The following JARID2 variants were observed in gnomAD, a reference collection of about 807,000 sequenced individuals.
JARID2 encodes protein Jumonji.
In JARID2, 21 loss-of-function variants were observed where a neutral mutation model predicts 125.6. That is an observed-to-expected ratio of 0.17 (90% confidence interval 0.12 to 0.24). The LOEUF (loss-of-function observed/expected upper bound fraction) is 0.24. Ranked by LOEUF, JARID2 falls within the 10% of genes least tolerant of loss-of-function variation. The pLI, the probability that JARID2 is intolerant of heterozygous loss-of-function variation, is 1.00. For synonymous variants in JARID2, 736 were observed against 661.6 expected (o/e 1.11, Z -1.73); for missense variants, 1,303 against 1,639.6 (o/e 0.79, Z 3.55).
intron 3 of JARID2, among the ~76,000 whole-genome samples, chr6:15,412,475 A>G (rs1262134978): frequency 1.3e-5 from 2 of 152,006 alleles, no homozygotes; most frequent in Non-Finnish European, 1.5e-5. Context: ...TACCTGGCTA[A>G]TTCTTGTATT....
intron 1 of JARID2, among the ~76,000 whole-genome samples, chr6:15,267,204 G>A (rs1043473933): frequency 6.6e-6 from 1 of 152,142 alleles, no homozygotes; most frequent in African/African-American, 2.4e-5. Flanking sequence ...GAGACCCTGG[G>A]CTTCCTGGAG....
chr6:15,490,576 A>G (rs1770103049), intron 6 of JARID2, among the ~76,000 whole-genome samples: 1 of 152,190 alleles, frequency 6.6e-6, no homozygotes, highest in Admixed American at 6.5e-5. Flanking sequence ...ATTATACCAA[A>G]TGAGCTGTCT....
rs752818315 is a variant in JARID2, at chr6:15,496,527, G to C, written c.1302G>C (p.Arg434=). 9.9e-6 allele frequency: 16 copies of C among 1,608,468 alleles called. No homozygotes were observed. Among genetic ancestry groups the C allele is most frequent in the Non-Finnish European group, 1.4e-5 (16 of 1,177,856 alleles). ...GRQLREGLQL[R]EGLRNSKRRL... is the part of the protein sequence containing the mutation. ...AGCTGCGGGAGGGCCTGCAGCTGCG[G>C]GAGGGGCTGCGGAACTCCAAGAGGA... Residue 434 remains arginine (R), a synonymous_variant, in exon 7 of 18, where the codon CGG becomes CGC. Coordinates refer to ENST00000341776, the MANE Select transcript of JARID2 (RefSeq NM_004973.4).
intron 2 of JARID2, among the ~76,000 whole-genome samples, chr6:15,406,866 C>G (rs1448984375): frequency 1.3e-5 from 2 of 152,046 alleles, no homozygotes; most frequent in Admixed American, 1.3e-4. Flanking sequence ...TTTTTCCAAC[C>G]TGTTAACTTT....
intron 2 of JARID2, among the ~76,000 whole-genome samples, chr6:15,390,711 C>G (rs1414637879): frequency 6.6e-6 from 1 of 152,148 alleles, no homozygotes; most frequent in Non-Finnish European, 1.5e-5. Context: ...GTCCTTGGAT[C>G]CATGAATACA....
intron 1 of JARID2, among the ~76,000 whole-genome samples, chr6:15,345,808 G>A (rs75605837): frequency 3.2e-3 from 485 of 152,306 alleles, no homozygotes; most frequent in African/African-American, 0.011. Context: ...TTGGGTTGCT[G>A]GGAGTCTGTT....
chr6:15,305,025 T>C (rs1761769821), intron 1 of JARID2, among the ~76,000 whole-genome samples: 1 of 152,164 alleles, frequency 6.6e-6, no homozygotes, highest in Admixed American at 6.5e-5. Context: ...TTTTCTCTTC[T>C]CACTGATTGG....
At chr6:15,368,372 T>G (rs887512886) in intron 1 of JARID2, among the ~76,000 whole-genome samples, 54 of 152,308 alleles carry the variant, frequency 3.5e-4, no homozygotes, top group Admixed American at 1.2e-3. Context: ...TGCAATACTT[T>G]TACTTACTTC....
chr6:15,499,273 T>C (rs928631041), intron 7 of JARID2, among the ~76,000 whole-genome samples: 2 of 152,118 alleles, frequency 1.3e-5, no homozygotes. Context: ...TCTGCCTCTG[T>C]GTAGGTTCAC....
chr6:15,497,953 G>A (rs1770546206), intron 7 of JARID2, among the ~76,000 whole-genome samples: 1 of 152,134 alleles, frequency 6.6e-6, no homozygotes, highest in Non-Finnish European at 1.5e-5. Context: ...GTGTGTCTGT[G>A]TCTTCATCTC....
chr6:15,350,730 GTTT>G (rs538674872), intron 1 of JARID2, among the ~76,000 whole-genome samples: 358 of 130,392 alleles, frequency 2.7e-3, no homozygotes, highest in African/African-American at 9.5e-3. Flanking sequence ...ATAGTTTAAG[GTTT>G]TTTTTTTTTT....
chr6:15,391,540 T>A (rs967570938), intron 2 of JARID2, among the ~76,000 whole-genome samples: 2 of 152,132 alleles, frequency 1.3e-5, no homozygotes, highest in African/African-American at 4.8e-5. Flanking sequence ...AAAAGAAAAT[T>A]CTTAAGGCCT....
chr6:15,366,266 A>G (rs1581462266), intron 1 of JARID2, among the ~76,000 whole-genome samples: 1 of 152,078 alleles, frequency 6.6e-6, no homozygotes, highest in African/African-American at 2.4e-5. Flanking sequence ...TATCCTTGGG[A>G]GGAGGAAATA....
intron 3 of JARID2, among the ~76,000 whole-genome samples, chr6:15,427,714 A>C (rs1766791044): frequency 1.3e-5 from 2 of 152,070 alleles, no homozygotes; most frequent in South Asian, 4.2e-4. Context: ...TCAGTTCCTG[A>C]ATCTTCCTTA....
chr6:15,362,325 C>T (rs1763827095), intron 1 of JARID2, among the ~76,000 whole-genome samples: 1 of 152,196 alleles, frequency 6.6e-6, no homozygotes, highest in East Asian at 1.9e-4. Context: ...GTGAAACAGA[C>T]ATAGCTGGTA....
At chr6:15,375,446 C>G (rs988062741) in intron 2 of JARID2, among the ~76,000 whole-genome samples, 1 of 152,176 alleles carries the variant, frequency 6.6e-6, no homozygotes, top group African/African-American at 2.4e-5. Flanking sequence ...AAATCTCAGC[C>G]AACATGTATG....
At chr6:15,277,663 A>G (rs1413626092) in intron 1 of JARID2, among the ~76,000 whole-genome samples, 4 of 152,150 alleles carry the variant, frequency 2.6e-5, no homozygotes, top group Non-Finnish European at 4.4e-5. Context: ...ACTTTTGTTA[A>G]TTCAGTAGCT....
At chr6:15,457,692 TGAG>T (rs1207844348) in intron 4 of JARID2, among the ~76,000 whole-genome samples, 1 of 150,894 alleles carries the variant, frequency 6.6e-6, no homozygotes, top group Non-Finnish European at 1.5e-5. Flanking sequence ...GAATAAATCG[TGAG>T]GCCAAGGGAA....
chr6:15,282,738 A>ATTG (rs1581364530), intron 1 of JARID2, among the ~76,000 whole-genome samples: 1 of 151,898 alleles, frequency 6.6e-6, no homozygotes, highest in East Asian at 1.9e-4. Context: ...AGTAGCTGAG[A>ATTG]TTACAGGCAT....
Sources: gnomAD v4.1 joint callset for allele counts (sites outside exome capture counted in the v4.1 genomes callset) on GRCh38, gnomAD v4.1.1 for gene constraint, MANE v1.5 for transcripts, NCBI Gene and HGNC (gene_info 2026-07-23, HGNC 2026-07-21) for gene names.